The following NEBL variants were observed in gnomAD, a reference collection of about 807,000 sequenced individuals.
NEBL encodes the protein LIM and SH3 protein 2.
In NEBL, 122 loss-of-function variants were observed where a neutral mutation model predicts 140.2. That is an observed-to-expected ratio of 0.87 (90% confidence interval 0.75 to 1.01). The LOEUF (loss-of-function observed/expected upper bound fraction) is 1.01. Ranked by LOEUF, NEBL falls within the 50% of genes least tolerant of loss-of-function variation. The probability of loss-of-function intolerance (pLI) is 0.00; values close to 1 mark genes in which losing one functional copy is unlikely to be tolerated. For missense variants in NEBL, 1,365 were observed against 1,231.3 expected, an observed-to-expected ratio of 1.11 and a Z score of -1.62; for synonymous variants, 436 against 398.9, an observed-to-expected ratio of 1.09 and a Z score of -1.11.
At chr10:21,291,900 G>A (rs993460257) in intron 1 of NEBL, among the ~76,000 whole-genome samples, 6 of 152,090 alleles carry the variant, frequency 3.9e-5, no homozygotes, top group Admixed American at 2.6e-4. Context: ...GCGAGATTCC[G>A]TCTCAAAAAT....
intron 2 of NEBL, among the ~76,000 whole-genome samples, chr10:21,053,389 A>G (rs1047194540): frequency 1.3e-5 from 2 of 152,104 alleles, no homozygotes; most frequent in Non-Finnish European, 2.9e-5. Context: ...ACTCATCCAC[A>G]CTCACAAGAG....
At chr10:21,055,701 G>A (rs2131863633) in intron 2 of NEBL, among the ~76,000 whole-genome samples, 1 of 152,268 alleles carries the variant, frequency 6.6e-6, no homozygotes, top group Non-Finnish European at 1.5e-5. Context: ...CTGGCACAAA[G>A]TCTGTGTTAG....
chr10:21,169,425 G>A (rs936457653), intron 2 of NEBL, among the ~76,000 whole-genome samples: 3 of 151,896 alleles, frequency 2.0e-5, no homozygotes, highest in South Asian at 2.1e-4. Context: ...AAATTATGGC[G>A]GCCCTCTGGC....
intron 1 of NEBL, among the ~76,000 whole-genome samples, chr10:21,277,588 G>A (rs925048686): frequency 1.3e-5 from 2 of 152,162 alleles, no homozygotes; most frequent in African/African-American, 4.8e-5. Context: ...ATGTATTGCT[G>A]TGTGGGTGCA....
intron 11 of NEBL, among the ~76,000 whole-genome samples, chr10:20,848,472 G>C (rs945560741): frequency 2.2e-4 from 34 of 152,134 alleles, no homozygotes; most frequent in African/African-American, 7.0e-4. Context: ...CCAATCCTTA[G>C]ACCATGGACC....
rs752799999 is a variant in NEBL at position 20,823,316 on chromosome 10, G to A, written c.1870-16C>T. The A allele has an allele frequency of 1.3e-6, 2 of 1,553,420 alleles. No individual in the cohort carries two copies. The highest frequency in any genetic ancestry group is 2.2e-5 in the South Asian group (2 of 88,896). The stretch of plus-strand genomic sequence containing the variant: ...TGTATTTCACCTGCATAATTTATAA[G>A]AATATAACGTTAACTTTATTCTATG... On this transcript the variant is annotated splice_polypyrimidine_tract_variant and intron_variant, in intron 18 of 27. Coordinates refer to ENST00000377122, the MANE Select transcript of NEBL (RefSeq NM_006393.3).
At chr10:20,914,459 T>A (rs1323533336) in intron 4 of NEBL, among the ~76,000 whole-genome samples, 2 of 152,206 alleles carry the variant, frequency 1.3e-5, no homozygotes, top group Admixed American at 6.5e-5. Flanking sequence ...CCTTTAGTCA[T>A]TCCTTGGAAG....
chr10:21,240,285 C>T (rs141012634), intron 3 of NEBL, among the ~76,000 whole-genome samples: 2 of 152,088 alleles, frequency 1.3e-5, no homozygotes, highest in East Asian at 3.9e-4. Context: ...AGTTTAGGAT[C>T]GTAGAGATTC....
chr10:20,932,923 T>C (rs183815601), intron 4 of NEBL, among the ~76,000 whole-genome samples: 8 of 152,356 alleles, frequency 5.3e-5, no homozygotes, highest in Admixed American at 4.6e-4. Flanking sequence ...TTGCATTGAT[T>C]TGAATACTTG....
intron 4 of NEBL, among the ~76,000 whole-genome samples, chr10:20,927,645 G>T (rs1202442267): frequency 6.6e-6 from 1 of 152,140 alleles, no homozygotes; most frequent in African/African-American, 2.4e-5. Context: ...AATATCCTTT[G>T]CCAGTGTAAA....
intron 4 of NEBL, among the ~76,000 whole-genome samples, chr10:20,952,487 T>A (rs1835528382): frequency 6.7e-6 from 1 of 150,008 alleles, no homozygotes; most frequent in South Asian, 2.1e-4. Flanking sequence ...TAGGAGGAAG[T>A]TTTTTTTCTT....
rs772772424 is a variant in NEBL, at chr10:21,208,208, T to C, written n.349-35731A>G. On this transcript the variant is annotated intron_variant and non_coding_transcript_variant, in intron 3 of 8. Transcript: ENST00000675702. ...TAAGATGGATGAAATCATCAGGACA[T>C]AGAAATTGCATTCTTTGATGACTCA... Among the ~76,000 whole-genome samples, 5 of 152,326 alleles carry C rather than the reference T, an allele frequency of 3.3e-5. No individual in the cohort carries two copies. The East Asian group carries it at 9.7e-4, about 29-fold the overall frequency.
intron 3 of NEBL, among the ~76,000 whole-genome samples, chr10:21,220,352 T>A (rs142993680): frequency 1.3e-4 from 20 of 152,184 alleles, no homozygotes; most frequent in African/African-American, 4.8e-4. Flanking sequence ...CACACTATTA[T>A]GATCAATTGA....
chr10:20,958,987 T>C (rs952762044), intron 4 of NEBL, among the ~76,000 whole-genome samples: 7 of 152,096 alleles, frequency 4.6e-5, no homozygotes, highest in Non-Finnish European at 1.5e-5. Flanking sequence ...TTCAAAACAT[T>C]GACATAGACA....
intron 4 of NEBL, among the ~76,000 whole-genome samples, chr10:20,930,298 G>A (rs924798475): frequency 6.6e-6 from 1 of 151,810 alleles, no homozygotes; most frequent in East Asian, 1.9e-4. Context: ...TTCATCCTTC[G>A]ACACGTTTTA....
chr10:20,806,975 CAT>C, intron 26 of NEBL, among the ~76,000 whole-genome samples: 1 of 152,228 alleles, frequency 6.6e-6, no homozygotes, highest in East Asian at 1.9e-4. Context: ...TATTATTCTG[CAT>C]CTACAGAACC....
chr10:21,085,385 G>A (rs1344184842), intron 2 of NEBL, among the ~76,000 whole-genome samples: 3 of 152,172 alleles, frequency 2.0e-5, no homozygotes, highest in African/African-American at 7.2e-5. Flanking sequence ...AGTTTGGGAA[G>A]CCGAGGCGGA....
rs187536486 is a variant in NEBL at position 21,120,167 on chromosome 10, C to T, written c.164+52216G>A. Among the ~76,000 whole-genome samples, 7 of 151,466 alleles carry T rather than the reference C, an allele frequency of 4.6e-5. No homozygotes were observed. In the East Asian group the frequency reaches 9.8e-4, roughly 21 times the overall value. On this transcript the variant is annotated intron_variant, in intron 2 of 6. Transcript: ENST00000417816. Reference sequence around the variant, plus strand: ...AGGAGGATCCCTTGAGACCAGAATTCGAAACCAGCCTGGCCTGGGCAATAT... The same window carrying T: ...AGGAGGATCCCTTGAGACCAGAATTTGAAACCAGCCTGGCCTGGGCAATAT...
Position 20,784,492 on chromosome 10 carries a change from A to G in NEBL, c.*1255T>C, listed in dbSNP as rs547959199. ...TCATTCCCTTAAAAATGATTTAGAAAATAAAAGCAAAAAAAAATGGAAAAG... is the reference window on the plus strand; with the variant it reads ...TCATTCCCTTAAAAATGATTTAGAAGATAAAAGCAAAAAAAAATGGAAAAG... On this transcript the variant is annotated 3_prime_UTR_variant, in exon 28 of 28. Coordinates refer to ENST00000377122, the MANE Select transcript of NEBL (RefSeq NM_006393.3). 1.6e-4 allele frequency: 24 copies of G among 152,204 alleles called. No individual in the cohort carries two copies. The highest frequency in any genetic ancestry group is 3.4e-4 in the Non-Finnish European group (23 of 68,030). 9.4% of individuals were successfully genotyped at this position (152,204 alleles called of 1,614,324 possible).
Sources: gnomAD v4.1 joint callset for allele counts (sites outside exome capture counted in the v4.1 genomes callset) on GRCh38, gnomAD v4.1.1 for gene constraint, MANE v1.5 for transcripts, NCBI Gene and HGNC (gene_info 2026-07-23, HGNC 2026-07-21) for gene names.